The following IGSF5 variants were observed in gnomAD, a reference collection of about 807,000 sequenced individuals.
IGSF5 encodes immunoglobulin superfamily 5 like.
Under a neutral mutation model 39.4 loss-of-function variants are expected in IGSF5, and 41 were observed. That is an observed-to-expected ratio of 1.04 (90% CI 0.81 to 1.35). The LOEUF is 1.35. Ranked by LOEUF, IGSF5 falls within the 40% of genes most tolerant of loss-of-function variation. The pLI, the probability that IGSF5 is intolerant of heterozygous loss-of-function variation, is 0.00. For missense variants in IGSF5, 487 were observed against 494.6 expected, an observed-to-expected ratio of 0.98 and a Z score of 0.15; for synonymous variants, 183 against 175.3, an observed-to-expected ratio of 1.04 and a Z score of -0.34.
upstream of IGSF5, among the ~76,000 whole-genome samples, chr21:39,742,071 A>T (rs1435938860): frequency 6.6e-6 from 1 of 151,770 alleles, no homozygotes; most frequent in Non-Finnish European, 1.5e-5. Context: ...GGAATCCTTT[A>T]GTTTAACTTG....
At chr21:39,715,615 A>G in the IGSF5 span, among the ~76,000 whole-genome samples, 1 of 152,214 alleles carries the variant, frequency 6.6e-6, no homozygotes, top group Non-Finnish European at 1.5e-5. Context: ...TATCCATGAC[A>G]GGTAGTGTCC....
At chr21:39,742,273 C>G (rs1216667794), upstream of IGSF5, among the ~76,000 whole-genome samples, 1 of 152,094 alleles carries the variant, frequency 6.6e-6, no homozygotes, top group Non-Finnish European at 1.5e-5. Context: ...ATTAGGAAAG[C>G]ATGTGAAAAG....
the IGSF5 span, among the ~76,000 whole-genome samples, chr21:39,724,428 C>A: frequency 1.3e-5 from 2 of 152,106 alleles, no homozygotes; most frequent in South Asian, 4.2e-4. Context: ...GTGGGAGGGA[C>A]CCTGTGGGAG....
chr21:39,745,179 CTCTCTCTCTCCGTG>C, exon 1 of IGSF5, among the ~76,000 whole-genome samples: 1 of 150,882 alleles, frequency 6.6e-6, no homozygotes, highest in African/African-American at 2.4e-5. Flanking sequence ...CTCTCTCCAT[CTCTCTCTCTCCGTG>C]TCTCTCTCTT....
chr21:39,780,068 G>A (rs1486158682), intron 5 of IGSF5, among the ~76,000 whole-genome samples: 1 of 152,176 alleles, frequency 6.6e-6, no homozygotes, highest in Non-Finnish European at 1.5e-5. Flanking sequence ...CCACAAAATA[G>A]CGATGAATAT....
intron 5 of IGSF5, among the ~76,000 whole-genome samples, chr21:39,784,440 G>C (rs2080186659): frequency 6.6e-6 from 1 of 152,192 alleles, no homozygotes; most frequent in Non-Finnish European, 1.5e-5. Context: ...CACAGGATAT[G>C]CAGAAGGTGA....
chr21:39,756,921 A>G (rs1302021405), intron 2 of IGSF5, among the ~76,000 whole-genome samples: 2 of 152,058 alleles, frequency 1.3e-5, no homozygotes, highest in Non-Finnish European at 2.9e-5. Flanking sequence ...TGTGCTGTCA[A>G]TGGTCTGGCC....
intron 2 of IGSF5, among the ~76,000 whole-genome samples, chr21:39,758,970 G>A (rs1352271885): frequency 6.6e-6 from 1 of 152,190 alleles, no homozygotes; most frequent in African/African-American, 2.4e-5. Flanking sequence ...TTGTATGATC[G>A]ATGTTGAGAC....
At chr21:39,749,473 A>G (rs1402192771) in intron 2 of IGSF5, among the ~76,000 whole-genome samples, 1 of 152,226 alleles carries the variant, frequency 6.6e-6, no homozygotes, top group African/African-American at 2.4e-5. Flanking sequence ...TTGGCCTCCC[A>G]AAGTGCTGGG....
intron 2 of IGSF5, among the ~76,000 whole-genome samples, chr21:39,758,718 T>G (rs4816655): frequency 1.1e-4 from 17 of 152,004 alleles, no homozygotes; most frequent in Admixed American, 1.1e-3. Flanking sequence ...ATAGTCTATA[T>G]ACTATACATA....
In IGSF5 at chr21:39,794,239, G is replaced by A. The variant is rs1289322734; in HGVS notation, c.1128+626G>A. Among the ~76,000 whole-genome samples, 4 of 152,308 alleles carry A rather than the reference G, an allele frequency of 2.6e-5. No homozygotes were observed. The East Asian group carries it at 5.8e-4, about 22-fold the overall frequency. ...CTGGAGTTGCCATTAACGTAGATAA[G>A]GAATGTTATGGGTGGAGCAGTTTAG... On this transcript the variant is annotated intron_variant, in intron 8 of 8. Transcript: ENST00000380588.
chr21:39,734,328 C>T, the IGSF5 span, among the ~76,000 whole-genome samples: 1 of 151,034 alleles, frequency 6.6e-6, no homozygotes, highest in African/African-American at 2.4e-5. Context: ...CAGGCTGAGG[C>T]AGGAGAATCG....
intron 7 of IGSF5, 139 bp from the exon 8 acceptor site, chr21:39,793,395 T>TA (rs1433671152): frequency 3.4e-6 from 2 of 587,312 alleles, no homozygotes; most frequent in Admixed American, 3.3e-5. Context: ...CAAGGGAATT[T>TA]AAAAAAAGTG....
intron 2 of IGSF5, among the ~76,000 whole-genome samples, chr21:39,749,177 A>G (rs1247909161): frequency 6.6e-6 from 1 of 151,882 alleles, no homozygotes; most frequent in Non-Finnish European, 1.5e-5. Context: ...CTTCCTATAG[A>G]AAGAACAAAT....
intron 5 of IGSF5, among the ~76,000 whole-genome samples, chr21:39,787,036 C>T (rs573946439): frequency 1.6e-4 from 25 of 152,074 alleles, no homozygotes; most frequent in Middle Eastern, 6.8e-3. Context: ...TGTAGCGCAC[C>T]AGCATGTCAC....
chr21:39,758,911 C>A (rs2080046713), intron 2 of IGSF5, among the ~76,000 whole-genome samples: 1 of 152,122 alleles, frequency 6.6e-6, no homozygotes, highest in South Asian at 2.1e-4. Flanking sequence ...CAGAAAGGGG[C>A]GCATGTCATA....
chr21:39,779,010 A>G (rs2080155260), intron 4 of IGSF5, 80 bp from the exon 5 acceptor site: 5 of 1,523,462 alleles, frequency 3.3e-6, no homozygotes, highest in Non-Finnish European at 3.5e-6. Flanking sequence ...ACTAGAAAAC[A>G]TAATGCAACT....
intron 2 of IGSF5, chr21:39,751,448 C>T (rs2080005242): frequency 6.6e-6 from 1 of 152,236 alleles, no homozygotes; most frequent in Non-Finnish European, 1.5e-5. Flanking sequence ...AAGTTCTGGA[C>T]ATTTGCACAC....
chr21:39,759,629 G>A (rs1048040354), intron 2 of IGSF5, among the ~76,000 whole-genome samples: 4 of 152,158 alleles, frequency 2.6e-5, no homozygotes, highest in African/African-American at 9.7e-5. Context: ...CACTATGGGA[G>A]GCTGAGGCAG....
Sources: gnomAD v4.1 joint callset for allele counts (sites outside exome capture counted in the v4.1 genomes callset) on GRCh38, gnomAD v4.1.1 for gene constraint, MANE v1.5 for transcripts, NCBI Gene and HGNC (gene_info 2026-07-23, HGNC 2026-07-21) for gene names.